The following EYS variants were observed in gnomAD, a reference collection of about 807,000 sequenced individuals.
EYS encodes EGF-like photoreceptor maintenance factor.
Under a neutral mutation model 282.1 loss-of-function variants are expected in EYS, and 250 were observed. The observed-to-expected ratio is 0.89, with a 90% CI of 0.80 to 0.98. The LOEUF (loss-of-function observed/expected upper bound fraction) is 0.98. EYS is among the 50% of genes least tolerant of loss of function. The pLI is 0.00. For missense variants in EYS, 4,016 were observed against 3,709.0 expected (o/e 1.08, Z -2.15); for synonymous variants, 1,355 against 1,282.9 (o/e 1.06, Z -1.20).
intron 22 of EYS, among the ~76,000 whole-genome samples, chr6:64,802,847 C>T (rs1240615716): frequency 2.0e-5 from 3 of 152,206 alleles, no homozygotes; most frequent in Non-Finnish European, 4.4e-5. Flanking sequence ...TCTTTGTGAA[C>T]ATCTGCTGAG....
At chr6:63,981,032 C>T (rs1380235956) in intron 35 of EYS, among the ~76,000 whole-genome samples, 1 of 151,818 alleles carries the variant, frequency 6.6e-6, no homozygotes, top group African/African-American at 2.4e-5. Flanking sequence ...CTACACTGCT[C>T]CGTGTATGCC....
intron 22 of EYS, among the ~76,000 whole-genome samples, chr6:64,673,002 C>T (rs574755537): frequency 2.6e-4 from 40 of 152,158 alleles, no homozygotes; most frequent in Middle Eastern, 3.4e-3. Context: ...TTTCAACTTC[C>T]GCATAACTTC....
At chr6:63,943,840 G>A (rs970895761) in intron 35 of EYS, among the ~76,000 whole-genome samples, 7 of 152,128 alleles carry the variant, frequency 4.6e-5, no homozygotes, top group Non-Finnish European at 1.0e-4. Flanking sequence ...CTTTGTTTGT[G>A]CAGCTACCAA....
chr6:63,958,704 T>C (rs991885761), intron 35 of EYS, among the ~76,000 whole-genome samples: 17 of 152,202 alleles, frequency 1.1e-4, no homozygotes, highest in African/African-American at 4.1e-4. Context: ...GACTCTCCTG[T>C]TAGAAAGTGA....
intron 12 of EYS, among the ~76,000 whole-genome samples, chr6:65,226,001 C>T (rs1766615140): frequency 6.6e-6 from 1 of 151,706 alleles, no homozygotes; most frequent in Non-Finnish European, 1.5e-5. Flanking sequence ...CTGTTTTTAC[C>T]ACTACACTGG....
intron 33 of EYS, among the ~76,000 whole-genome samples, chr6:64,027,492 G>C (rs138593858): frequency 1.2e-3 from 186 of 152,190 alleles, no homozygotes; most frequent in African/African-American, 3.4e-3. Flanking sequence ...TGGCAACCTC[G>C]GTGTTCTATA....
At chr6:64,453,250 G>GA (rs1475349638) in intron 26 of EYS, among the ~76,000 whole-genome samples, 2 of 152,110 alleles carry the variant, frequency 1.3e-5, no homozygotes, top group Admixed American at 6.5e-5. Flanking sequence ...AAATACACAT[G>GA]AAAAAATGCT....
chr6:65,456,085 A>G (rs1051018659), intron 5 of EYS, among the ~76,000 whole-genome samples: 1 of 152,058 alleles, frequency 6.6e-6, no homozygotes. Flanking sequence ...GATGCAAGCT[A>G]CAGGCCATAT....
chr6:64,932,402 T>A (rs1306247405), intron 15 of EYS, among the ~76,000 whole-genome samples: 1 of 152,078 alleles, frequency 6.6e-6, no homozygotes, highest in Non-Finnish European at 1.5e-5. Flanking sequence ...ATCTAGGGAA[T>A]TTGTTAAAAA....
At chr6:63,855,271 A>G (rs1225127140) in intron 36 of EYS, among the ~76,000 whole-genome samples, 1 of 152,228 alleles carries the variant, frequency 6.6e-6, no homozygotes, top group Non-Finnish European at 1.5e-5. Context: ...CAGTTTTTCC[A>G]TCTGTACAAT....
At chr6:65,502,532 A>C (rs569654711) in intron 2 of EYS, among the ~76,000 whole-genome samples, 1 of 151,782 alleles carries the variant, frequency 6.6e-6, no homozygotes, top group Admixed American at 6.6e-5. Flanking sequence ...CAATTAATGA[A>C]TTAATATTAG....
intron 29 of EYS, among the ~76,000 whole-genome samples, chr6:64,384,190 A>G (rs1407552732): frequency 6.6e-6 from 1 of 152,220 alleles, no homozygotes; most frequent in Non-Finnish European, 1.5e-5. Context: ...TTTGTAAGTC[A>G]ATGTCTTGAA....
chr6:65,106,001 G>T (rs1247377126), intron 12 of EYS, among the ~76,000 whole-genome samples: 3 of 151,860 alleles, frequency 2.0e-5, no homozygotes, highest in Non-Finnish European at 4.4e-5. Context: ...TACCAACAAA[G>T]GTGTTAGCAG....
chr6:64,045,898 A>G (rs1217285239), intron 33 of EYS, among the ~76,000 whole-genome samples: 1 of 129,120 alleles, frequency 7.7e-6, no homozygotes, highest in East Asian at 2.2e-4. Flanking sequence ...TGTAATATAT[A>G]ATACATATAT....
chr6:64,313,655 A>T (rs1561924070), intron 29 of EYS, among the ~76,000 whole-genome samples: 1 of 152,144 alleles, frequency 6.6e-6, no homozygotes, highest in Non-Finnish European at 1.5e-5. Context: ...TACCCACAAA[A>T]GGAAGCCCAT....
At chr6:63,812,796 C>T (rs1293976984) in intron 36 of EYS, among the ~76,000 whole-genome samples, 3 of 152,012 alleles carry the variant, frequency 2.0e-5, no homozygotes, top group Non-Finnish European at 2.9e-5. Flanking sequence ...TACACTATCA[C>T]CAATGCTAAT....
chr6:65,065,183 T>A (rs180909809), intron 12 of EYS, among the ~76,000 whole-genome samples: 38 of 152,222 alleles, frequency 2.5e-4, no homozygotes, highest in Non-Finnish European at 4.6e-4. Context: ...GTATTAAAAT[T>A]TGGGGTGACA....
At chr6:64,707,465 C>G (rs559361234) in intron 22 of EYS, among the ~76,000 whole-genome samples, 1 of 152,018 alleles carries the variant, frequency 6.6e-6, no homozygotes, top group Non-Finnish European at 1.5e-5. Context: ...GTCAGGAGAT[C>G]AAGACCATCC....
chr6:65,620,453 A>T (rs1455552200), intron 2 of EYS, among the ~76,000 whole-genome samples: 4 of 150,986 alleles, frequency 2.6e-5, no homozygotes, highest in African/African-American at 9.8e-5. Context: ...TTTTTTCTTT[A>T]TTAGTCTTGC....
Sources: gnomAD v4.1 joint callset for allele counts (sites outside exome capture counted in the v4.1 genomes callset) on GRCh38, gnomAD v4.1.1 for gene constraint, MANE v1.5 for transcripts, NCBI Gene and HGNC (gene_info 2026-07-23, HGNC 2026-07-21) for gene names.